The following SV2C variants were observed in gnomAD, a reference collection of about 807,000 sequenced individuals.
The protein encoded by SV2C is solute carrier family 22 member B3.
SV2C carries 49 observed loss-of-function variants against 79.7 expected under a neutral mutation model. That is an observed-to-expected ratio of 0.61 (90% confidence interval 0.49 to 0.78). The LOEUF is 0.78. Ranked by LOEUF, SV2C falls within the 30% of genes least tolerant of loss-of-function variation. The probability of loss-of-function intolerance (pLI) is 0.00; values close to 1 mark genes in which losing one functional copy is unlikely to be tolerated. For synonymous variants in SV2C, 334 were observed against 333.2 expected (o/e 1.00, Z -0.03); for missense variants, 833 against 912.9 (o/e 0.91, Z 1.13).
At chr5:76,005,369 T>C in the SV2C span, among the ~76,000 whole-genome samples, 278 of 152,374 alleles carry the variant, frequency 1.8e-3, 4 homozygotes, top group African/African-American at 6.2e-3. Context: ...CAAAATAATT[T>C]ATGCAAATAT....
At chr5:75,950,767 C>T in the SV2C span, among the ~76,000 whole-genome samples, 1 of 144,490 alleles carries the variant, frequency 6.9e-6, no homozygotes. Flanking sequence ...GACTGAGTTT[C>T]CTAGTGGCTT....
At chr5:76,046,093 C>T in the SV2C span, among the ~76,000 whole-genome samples, 2 of 151,922 alleles carry the variant, frequency 1.3e-5, no homozygotes, top group African/African-American at 2.4e-5. Flanking sequence ...TTATCTCCCA[C>T]TGGAAGGTGA....
intron 1 of SV2C, among the ~76,000 whole-genome samples, chr5:76,108,288 A>G (rs1690214686): frequency 6.6e-6 from 1 of 152,200 alleles, no homozygotes; most frequent in Non-Finnish European, 1.5e-5. Context: ...CAATAATGTG[A>G]GAATAGTAAA....
chr5:75,989,363 T>C, the SV2C span, among the ~76,000 whole-genome samples: 1 of 151,996 alleles, frequency 6.6e-6, no homozygotes. Flanking sequence ...AGCTCCCACT[T>C]ATAAGTGAGA....
the SV2C span, among the ~76,000 whole-genome samples, chr5:75,948,497 A>G: frequency 1.3e-5 from 2 of 152,154 alleles, no homozygotes; most frequent in Non-Finnish European, 2.9e-5. Context: ...AGGTAAATAT[A>G]TGATGTGTTG....
chr5:75,987,933 G>A, the SV2C span, among the ~76,000 whole-genome samples: 4 of 151,976 alleles, frequency 2.6e-5, no homozygotes, highest in African/African-American at 9.7e-5. Flanking sequence ...CCTAAGGCAA[G>A]TTATTTAAAT....
chr5:76,151,919 A>G (rs1281322992), intron 2 of SV2C, among the ~76,000 whole-genome samples: 1 of 152,218 alleles, frequency 6.6e-6, no homozygotes, highest in African/African-American at 2.4e-5. Context: ...CGGGGAAGCT[A>G]GCCCTAGAGA....
intron 2 of SV2C, among the ~76,000 whole-genome samples, chr5:76,192,953 G>A (rs1744150594): frequency 6.6e-6 from 1 of 152,154 alleles, no homozygotes; most frequent in South Asian, 2.1e-4. Context: ...CCCCTCTGAT[G>A]TTCTCTTGTT....
At chr5:76,235,893 A>T (rs1745595475) in intron 4 of SV2C, among the ~76,000 whole-genome samples, 2 of 152,148 alleles carry the variant, frequency 1.3e-5, no homozygotes, top group Admixed American at 1.3e-4. Context: ...AGTTGGTGAT[A>T]TGAGTTGTCT....
At chr5:76,349,212 A>T (rs987851842) in intron 12 of SV2C, among the ~76,000 whole-genome samples, 1 of 151,798 alleles carries the variant, frequency 6.6e-6, no homozygotes, top group African/African-American at 2.4e-5. Flanking sequence ...GTAAGCCCTC[A>T]ATAAATTTCA....
chr5:75,865,726 G>T, the SV2C span, among the ~76,000 whole-genome samples: 1 of 152,220 alleles, frequency 6.6e-6, no homozygotes, highest in Non-Finnish European at 1.5e-5. Flanking sequence ...ACCAACAAAT[G>T]GGAGTCAGTC....
chr5:75,984,559 A>ATCTG, the SV2C span, among the ~76,000 whole-genome samples: 3 of 99,522 alleles, frequency 3.0e-5, no homozygotes, highest in African/African-American at 9.6e-5. Flanking sequence ...CTATCTATCT[A>ATCTG]TCTATCTATA....
At chr5:75,913,183 G>T in the SV2C span, among the ~76,000 whole-genome samples, 1 of 152,208 alleles carries the variant, frequency 6.6e-6, no homozygotes, top group African/African-American at 2.4e-5. Flanking sequence ...CTAACCAGCA[G>T]GGCTTTCCAA....
intron 2 of SV2C, among the ~76,000 whole-genome samples, chr5:76,147,369 T>C (rs2061120541): frequency 1.3e-5 from 2 of 152,238 alleles, no homozygotes; most frequent in Admixed American, 1.3e-4. Context: ...TGTGTGTATA[T>C]GTAGAGGCAG....
chr5:76,215,059 A>G (rs998980814), intron 4 of SV2C, among the ~76,000 whole-genome samples: 30 of 152,226 alleles, frequency 2.0e-4, no homozygotes, highest in Admixed American at 9.2e-4. Context: ...TATCCTGAAT[A>G]GAAATGACAA....
In SV2C at chr5:76,132,071, G is replaced by A. The variant is rs908074475; in HGVS notation, c.321G>A (p.Val107=). 5 of 1,612,338 alleles carry A rather than the reference G, an allele frequency of 3.1e-6. No individual in the cohort carries two copies. The African/African-American group carries it at 6.7e-5, about 22-fold the overall frequency. Residue 107 remains valine (V), a synonymous_variant, in exon 2 of 13, where the codon GTG becomes GTA. Coordinates refer to ENST00000502798, the MANE Select transcript of SV2C (RefSeq NM_014979.4). ...PSMNQAKDSI[V]SVGQPKGDEY... The stretch of plus-strand genomic sequence containing the variant: ...TGAACCAAGCGAAGGACAGCATCGT[G>A]TCAGTGGGGCAGCCCAAGGGCGATG...
rs1748993685 is a variant in SV2C at position 76,326,226 on chromosome 5, G to A, written c.*679G>A. 2 of 152,192 alleles carry A rather than the reference G, an allele frequency of 1.3e-5. No homozygotes were observed. Among genetic ancestry groups the A allele is most frequent in the Admixed American group, 1.3e-4 (2 of 15,280 alleles). The allele number at this position is 152,192 out of a possible 1,614,324, so 9.4% of individuals were successfully genotyped here. On this transcript the variant is annotated 3_prime_UTR_variant, in exon 13 of 13. Transcript: ENST00000502798. ...TGTCAGAAAGCCCAATTAAACCTCTGAAAAGTGTGAGGAAAAAGAACTGTA... is the reference window on the plus strand; with the variant it reads ...TGTCAGAAAGCCCAATTAAACCTCTAAAAAGTGTGAGGAAAAAGAACTGTA...
the SV2C span, among the ~76,000 whole-genome samples, chr5:76,011,050 G>A: frequency 6.6e-6 from 1 of 152,156 alleles, no homozygotes; most frequent in Non-Finnish European, 1.5e-5. Context: ...ACCCACCAAT[G>A]TGGCAACTGG....
the SV2C span, among the ~76,000 whole-genome samples, chr5:75,894,143 T>A: frequency 6.6e-6 from 1 of 152,078 alleles, no homozygotes; most frequent in East Asian, 1.9e-4. Flanking sequence ...GAAGACAGAC[T>A]GGAGGCACTA....
Sources: allele counts gnomAD v4.1 joint callset (sites outside exome capture counted in the v4.1 genomes callset), GRCh38; gene constraint gnomAD v4.1.1; transcripts MANE v1.5; gene names NCBI Gene and HGNC (gene_info 2026-07-23, HGNC 2026-07-21).